POMC: variants seen among roughly 807,000 people sequenced by gnomAD.
POMC encodes the protein proopiomelanocortin, also known as pro-opiomelanocortin.
POMC carries 19 observed loss-of-function variants against 18.5 expected under a neutral mutation model. That is an observed-to-expected ratio of 1.03 (90% CI 0.72 to 1.51). The LOEUF (loss-of-function observed/expected upper bound fraction) is 1.51. POMC is among the 40% of genes most tolerant of loss of function. The pLI, the probability that POMC is intolerant of heterozygous loss-of-function variation, is 0.00. For synonymous variants in POMC, 179 were observed against 161.9 expected (o/e 1.11, Z -0.80); for missense variants, 451 against 379.0 (o/e 1.19, Z -1.58).
Position 25,161,365 on chromosome 2 carries a change from G to A in POMC, c.520C>T (p.Leu174=). 6.2e-7 allele frequency: 1 copy of A among 1,606,300 alleles called. No individual in the cohort carries two copies. Among genetic ancestry groups the A allele is most frequent in the Non-Finnish European group, 8.5e-7 (1 of 1,176,736 alleles). ...CCAGTCAGCTCCCTCTTGAACTCCA[G>A]GGGGAAGGCCTCGGCCGACTCGTCC... ...AEDESAEAFP[L]EFKRELTGQR... The change falls in exon 3 of 3, where the codon CTG becomes TTG. Residue 174 remains leucine (L), a synonymous_variant. Transcript: ENST00000395826. This position sits in a 1 kb window ranked among gnomAD's most constrained non-coding sequence, Gnocchi z 5.7.
intron 1 of POMC, among the ~76,000 whole-genome samples, chr2:25,165,232 G>C (rs943462094): frequency 2.9e-4 from 44 of 152,218 alleles, no homozygotes; most frequent in Non-Finnish European, 5.7e-4. Flanking sequence ...TCTCAGGAGT[G>C]AAAGTAACTT....
chr2:25,167,558 C>T (rs940573862), intron 1 of POMC, among the ~76,000 whole-genome samples: 10 of 152,164 alleles, frequency 6.6e-5, no homozygotes, highest in African/African-American at 2.4e-4. Flanking sequence ...CAGCTCCCGC[C>T]CCGGCCACCT....
intron 1 of POMC, 73 bp from the exon 2 acceptor site, chr2:25,164,865 C>T (rs1354607575): frequency 6.6e-7 from 1 of 1,522,344 alleles, no homozygotes; most frequent in East Asian, 2.3e-5. Context: ...CAGGAAGGAC[C>T]TTGAGCCAAC....
chr2:25,164,023 G>A (rs1359940939), intron 2 of POMC, among the ~76,000 whole-genome samples: 1 of 151,968 alleles, frequency 6.6e-6, no homozygotes, highest in African/African-American at 2.4e-5. Context: ...CATACACCCT[G>A]TGGTGACCTG....
chr2:25,162,152 T>C (rs569949379), intron 2 of POMC, among the ~76,000 whole-genome samples: 1 of 152,288 alleles, frequency 6.6e-6, no homozygotes, highest in Non-Finnish European at 1.5e-5. Context: ...TTGTTGGCAC[T>C]TAATGAATAT....
rs1478439061 is a variant in POMC at position 25,164,709 on chromosome 2, T to C, written c.64A>G (p.Met22Val). 2.5e-6 allele frequency: 4 copies of C among 1,614,174 alleles called. No individual in the cohort carries two copies. Among genetic ancestry groups the C allele is most frequent in the Admixed American group, 1.7e-5 (1 of 60,022 alleles). The part of the protein sequence containing the change: ...LLLALLLQAS[M>V]EVRGWCLESS... ...TCCAGGCACCAGCCACGCACTTCCA[T>C]GGAGGCCTGAAGCAGCAAGGCCAGC... Residue 22 changes from methionine (M) to valine (V), a missense_variant, in exon 2 of 3, where the codon ATG becomes GTG. Coordinates refer to ENST00000395826, the MANE Select transcript of POMC (RefSeq NM_000939.4).
chr2:25,167,918 C>G (rs59419816), intron 1 of POMC, among the ~76,000 whole-genome samples: 2 of 152,110 alleles, frequency 1.3e-5, no homozygotes, highest in Non-Finnish European at 2.9e-5. Context: ...CTTTGGGGGG[C>G]CAAGGCGGGC....
At chr2:25,166,748 A>T (rs1671569796) in intron 1 of POMC, among the ~76,000 whole-genome samples, 1 of 152,170 alleles carries the variant, frequency 6.6e-6, no homozygotes, top group Admixed American at 6.5e-5. Context: ...CTGTTGCTAA[A>T]CTGGTTAGAT....
At chr2:25,164,143 T>G (rs1345150230) in intron 2 of POMC, among the ~76,000 whole-genome samples, 1 of 149,770 alleles carries the variant, frequency 6.7e-6, no homozygotes, top group Non-Finnish European at 1.5e-5. Context: ...TTGGCACCAA[T>G]TAAAGAAAAA....
At chr2:25,167,039 C>T (rs933212613) in intron 1 of POMC, among the ~76,000 whole-genome samples, 7 of 152,256 alleles carry the variant, frequency 4.6e-5, no homozygotes, top group African/African-American at 1.4e-4. Context: ...TATAGTAGAA[C>T]TACACTTATT....
chr2:25,161,262 C>T lies in POMC; in HGVS notation c.623G>A (p.Ser208Asn), dbSNP rs1487777897. The change falls in exon 3 of 3, where the codon AGC becomes AAC. Residue 208 changes from serine (S) to asparagine (N), a missense_variant. Ser to Asn is a conservative substitution (Grantham distance 46). Coordinates refer to ENST00000395826, the MANE Select transcript of POMC (RefSeq NM_000939.4). This position sits in a 1 kb window ranked among gnomAD's most constrained non-coding sequence, Gnocchi z 5.7. ...CTTCTTCTCGGCCGCCACCAGCAGG[C>T]TGTGCTCCAGGTCGGCCTGGGCCCC... ...GAGAQADLEH[S>N]LLVAAEKKDE... The T allele has an allele frequency of 1.2e-6, 2 of 1,612,068 alleles. No individual in the cohort carries two copies. The highest frequency in any genetic ancestry group is 1.1e-5 in the South Asian group (1 of 90,808).
intron 1 of POMC, among the ~76,000 whole-genome samples, chr2:25,167,791 G>T (rs1671606724): frequency 6.6e-6 from 1 of 152,130 alleles, no homozygotes; most frequent in South Asian, 2.1e-4. Flanking sequence ...ATTAATTTGC[G>T]ATAGCGTGTA....
intron 2 of POMC, among the ~76,000 whole-genome samples, chr2:25,164,226 T>C (rs1671480129): frequency 6.6e-6 from 1 of 151,728 alleles, no homozygotes; most frequent in African/African-American, 2.4e-5. Context: ...TTGCAACCGG[T>C]AGTAGATAAA....
At chr2:25,164,815 T>C (rs763850526) in intron 1 of POMC, 23 bp from the exon 2 acceptor site, 1 of 1,611,910 alleles carries the variant, frequency 6.2e-7, no homozygotes, top group East Asian at 2.2e-5. Flanking sequence ...ACAAGATTGG[T>C]GGGACCCCTG....
chr2:25,163,049 C>T lies in POMC; in HGVS notation c.133-1297G>A, dbSNP rs576004618. Among the ~76,000 whole-genome samples, 11 of 152,312 alleles carry T rather than the reference C, an allele frequency of 7.2e-5. No homozygotes were observed. In the South Asian group the frequency reaches 2.1e-3, roughly 29 times the overall value. On this transcript the variant is annotated intron_variant, in intron 2 of 2. Transcript: ENST00000395826. ...AGGAAAATGGCTGCATAGGCTGCAG[C>T]CTTGAGTTTTCAGTGATAAAAAGAT...
At chr2:25,165,717 G>C (rs1186914318) in intron 1 of POMC, 5 of 152,170 alleles carry the variant, frequency 3.3e-5, no homozygotes, top group African/African-American at 7.2e-5. Flanking sequence ...AAGACACCAG[G>C]GGACAGTAAG....
Position 25,161,898 on chromosome 2 carries a change from C to CTTGA in POMC, c.133-147_133-146insTCAA. Reference sequence around the variant, plus strand: ...GTGTCGGGCGTGTCAAGCGTCGAGGCCTCCCTACAGAGCAGGTCTGCCCAC... The same window carrying CTTGA: ...GTGTCGGGCGTGTCAAGCGTCGAGGCTTGACTCCCTACAGAGCAGGTCTGCCCAC... On this transcript the variant is annotated intron_variant, in intron 2 of 2. Transcript: ENST00000395826. The surrounding 1 kb of genome is among the most constrained non-coding windows in gnomAD (Gnocchi z 5.7). 7.3e-7 allele frequency: 1 copy of CTTGA among 1,372,546 alleles called. No homozygotes were observed. The highest frequency in any genetic ancestry group is 9.5e-7 in the Non-Finnish European group (1 of 1,048,022). The allele number at this position is 1,372,546 out of a possible 1,614,324, so 85.0% of individuals were successfully genotyped here. A position where few individuals can be genotyped will look rare whatever the true frequency, so the allele number is the denominator to read the frequency against.
Position 25,161,286 on chromosome 2 carries a change from C to A in POMC, c.599G>T (p.Gly200Val). 6.2e-7 allele frequency: 1 copy of A among 1,611,286 alleles called. No individual in the cohort carries two copies. Among genetic ancestry groups the A allele is most frequent in the Non-Finnish European group, 8.5e-7 (1 of 1,179,020 alleles). Residue 200 changes from glycine to valine, a missense_variant, in exon 3 of 3, where the codon GGG (glycine) becomes GTG (valine). Transcript: ENST00000395826. The surrounding 1 kb of genome is among the most constrained non-coding windows in gnomAD (Gnocchi z 5.7). ...GCTGTGCTCCAGGTCGGCCTGGGCC[C>A]CTGCGCCGTCATCGGCAGGGCCGTC... Reference protein sequence around the residue: ...GPDGPADDGAGAQADLEHSLL... With the variant: ...GPDGPADDGAVAQADLEHSLL...
At chr2:25,162,104 A>G (rs971639482) in intron 2 of POMC, among the ~76,000 whole-genome samples, 2 of 152,236 alleles carry the variant, frequency 1.3e-5, no homozygotes, top group African/African-American at 4.8e-5. Context: ...TATGCCTGAC[A>G]TAAAGGAGTG....
Sources: gnomAD v4.1 joint callset for allele counts (sites outside exome capture counted in the v4.1 genomes callset) on GRCh38, gnomAD v4.1.1 for gene constraint, Gnocchi (gnomAD v3.1) non-coding constraint, MANE v1.5 for transcripts, NCBI Gene and HGNC (gene_info 2026-07-23, HGNC 2026-07-21) for gene names.